The following PI4KA variants were observed in gnomAD, a reference collection of about 807,000 sequenced individuals.
PI4KA encodes the protein PI4-kinase alpha.
In PI4KA, 122 loss-of-function variants were observed where a neutral mutation model predicts 271.4. The ratio of observed to expected loss-of-function variants is 0.45; its 90% CI spans 0.39 to 0.52. PI4KA has a LOEUF of 0.52. Among genes scored for constraint, PI4KA ranks in the 20% least tolerant of loss-of-function variants. The probability of loss-of-function intolerance (pLI) is 0.00; values close to 1 mark genes in which losing one functional copy is unlikely to be tolerated. For missense variants in PI4KA, 1,969 were observed against 2,769.1 expected, an observed-to-expected ratio of 0.71 and a Z score of 6.48; for synonymous variants, 1,041 against 1,078.8, an observed-to-expected ratio of 0.96 and a Z score of 0.69.
chr22:20,743,609 C>T (rs1233664433), intron 30 of PI4KA, among the ~76,000 whole-genome samples: 1 of 152,208 alleles, frequency 6.6e-6, no homozygotes, highest in Non-Finnish European at 1.5e-5. Context: ...GCGTGAGCCA[C>T]TGTGCTTGGC....
chr22:20,721,926 G>C (rs780581842), intron 42 of PI4KA: 1 of 160,350 alleles, frequency 6.2e-6, no homozygotes, highest in Non-Finnish European at 1.4e-5. Context: ...AAGAGACCTG[G>C]TGGGAGGTGA....
chr22:20,748,839 G>A (rs1192306145), intron 28 of PI4KA, among the ~76,000 whole-genome samples: 2 of 152,148 alleles, frequency 1.3e-5, no homozygotes, highest in Non-Finnish European at 2.9e-5. Context: ...GTGGAGGAGA[G>A]GGCAGATTCG....
Position 20,765,186 on chromosome 22 carries a change from A to ACC in PI4KA, c.2487_2488insGG (p.Ser830GlyfsTer23). On this transcript the variant is annotated frameshift_variant, in exon 21 of 55. Coordinates refer to ENST00000255882, the MANE Select transcript of PI4KA (RefSeq NM_058004.4). LOFTEE classifies it high-confidence loss of function. ...TTGCTGGGAAAGGTGAGCAAGGGGG[A>ACC]CTTAGTGGCTATTTCACAGACCCCC... 6.2e-7 allele frequency: 1 copy of ACC among 1,613,462 alleles called. No individual in the cohort carries two copies. Among genetic ancestry groups the ACC allele is most frequent in the East Asian group, 2.2e-5 (1 of 44,870 alleles).
chr22:20,792,390 C>A (rs1358536793), intron 19 of PI4KA, among the ~76,000 whole-genome samples: 1 of 152,172 alleles, frequency 6.6e-6, no homozygotes, highest in Non-Finnish European at 1.5e-5. Flanking sequence ...GCTGCCCTAG[C>A]AGTTCTGCCA....
chr22:20,793,456 C>A, intron 18 of PI4KA: 1 of 478,760 alleles, frequency 2.1e-6, no homozygotes, highest in Non-Finnish European at 3.8e-6. Context: ...ACCATGGTTA[C>A]ATAAATGATT....
rs1032295480 is a variant in PI4KA at position 20,735,045 on chromosome 22, C to A, written c.3742-492G>T. Among the ~76,000 whole-genome samples, 146 of 152,130 alleles carry A rather than the reference C, an allele frequency of 9.6e-4. 1 individual carries two copies. Among genetic ancestry groups the A allele is most frequent in the Non-Finnish European group, 1.6e-3 (111 of 67,990 alleles). Reference sequence around the variant, plus strand: ...CCAGATTAGGAAAGGCCCATGGAGCCGAGGCGAGCCTGCAGCCACCATGGC... The same window carrying A: ...CCAGATTAGGAAAGGCCCATGGAGCAGAGGCGAGCCTGCAGCCACCATGGC... On this transcript the variant is annotated intron_variant, in intron 32 of 54. Coordinates refer to ENST00000255882, the MANE Select transcript of PI4KA (RefSeq NM_058004.4).
chr22:20,801,235 T>A (rs1935311181), intron 14 of PI4KA, among the ~76,000 whole-genome samples: 1 of 151,738 alleles, frequency 6.6e-6, no homozygotes, highest in Non-Finnish European at 1.5e-5. Flanking sequence ...TAACAAGAAA[T>A]AATTCCTCTT....
chr22:20,724,028 C>T (rs549847280), intron 42 of PI4KA, among the ~76,000 whole-genome samples: 144 of 151,616 alleles, frequency 9.5e-4, no homozygotes, highest in Admixed American at 1.8e-3. Flanking sequence ...TTAGTAGAGA[C>T]GGGGTTTCAC....
At chr22:20,726,567 A>G (rs1445096291) in intron 41 of PI4KA, 26 bp from the exon 42 acceptor site, 2 of 1,575,922 alleles carry the variant, frequency 1.3e-6, no homozygotes, top group Admixed American at 1.8e-5. Flanking sequence ...AGAGTTGGCC[A>G]TGACTTCTGA....
Position 20,820,540 on chromosome 22 carries a change from T to C in PI4KA, c.528A>G (p.Lys176=). The C allele has an allele frequency of 6.3e-7, 1 of 1,599,058 alleles. No homozygotes were observed. Among genetic ancestry groups the C allele is most frequent in the Non-Finnish European group, 8.6e-7 (1 of 1,169,020 alleles). The change falls in exon 5 of 55, where the codon AAA becomes AAG. Residue 176 remains lysine (K), a splice_region_variant and synonymous_variant. Transcript: ENST00000255882. ...GMCQALEIQD[K]EYLCKYAIPC... ...GAAAAACCTTAAGGATACTCGTACC[T>C]TTGTCTTGAATCTCCAAGGCCTGGC...
rs1200509732 is a variant in PI4KA, at chr22:20,747,152, G to C, written c.3363+431C>G. The stretch of plus-strand genomic sequence containing the variant: ...CTGTCCTCTAGATTAATCTCTAGCA[G>C]AACAAGAAGCTGAAGGCATTCATGT... On this transcript the variant is annotated intron_variant, in intron 29 of 54. Transcript: ENST00000255882. Among the ~76,000 whole-genome samples, 5 of 152,306 alleles carry C rather than the reference G, an allele frequency of 3.3e-5. No homozygotes were observed. In the East Asian group the frequency reaches 9.7e-4, roughly 29 times the overall value.
At chr22:20,819,532 A>G in intron 6 of PI4KA, 109 bp downstream of exon 6, 3 of 1,030,752 alleles carry the variant, frequency 2.9e-6, no homozygotes, top group African/African-American at 1.6e-5. Flanking sequence ...CTAGTGAAAC[A>G]TTTCACGTTA....
At chr22:20,760,419 TTAAC>T (rs1466082583) in intron 23 of PI4KA, among the ~76,000 whole-genome samples, 3 of 152,222 alleles carry the variant, frequency 2.0e-5, no homozygotes, top group Non-Finnish European at 2.9e-5. Context: ...TACGCAGCAT[TTAAC>T]TTTTTCCTTT....
Position 20,809,948 on chromosome 22 carries a change from G to A in PI4KA, c.1071+1019C>T, listed in dbSNP as rs371817134. Among the ~76,000 whole-genome samples, 13 of 152,240 alleles carry A rather than the reference G, an allele frequency of 8.5e-5. No homozygotes were observed. The East Asian group carries it at 2.1e-3, about 25-fold the overall frequency. On this transcript the variant is annotated intron_variant, in intron 9 of 54. Coordinates refer to ENST00000255882, the MANE Select transcript of PI4KA (RefSeq NM_058004.4). The stretch of plus-strand genomic sequence containing the variant: ...GAAGGGCCCTGGTAGTTCCTTCCCT[G>A]CTTCATACCTGAGCCCCAGGTACAG...
At position 20,802,052 on chromosome 22, in the gene PI4KA, G is replaced by A; in HGVS notation, c.1645C>T (p.Leu549=). The A allele has an allele frequency of 6.2e-7, 1 of 1,614,074 alleles. No individual in the cohort carries two copies. The highest frequency in any genetic ancestry group is 8.5e-7 in the Non-Finnish European group (1 of 1,179,976). The stretch of plus-strand genomic sequence containing the variant: ...CTCTTCTTACCCGACATGACGTTCA[G>A]GGTTGACTCGGAATGCTCATTGGTC... ...SVTNEHSEST[L]NVMSGKKSQP... is the part of the protein sequence containing the mutation. The change falls in exon 14 of 55, where the codon CTG becomes TTG. Residue 549 remains leucine, a synonymous_variant. Coordinates refer to ENST00000255882, the MANE Select transcript of PI4KA (RefSeq NM_058004.4).
At position 20,807,356 on chromosome 22, in the gene PI4KA, C is replaced by T. The variant is rs1935721653; in HGVS notation, c.1168+6G>A. Reference sequence around the variant, plus strand: ...ACTCACAAACACATGGGCAAACTGTCCTCACCCTTCATGTAGTACAGAGTG... The same window carrying T: ...ACTCACAAACACATGGGCAAACTGTTCTCACCCTTCATGTAGTACAGAGTG... On this transcript the variant is annotated splice_donor_region_variant and intron_variant, in intron 10 of 54. Transcript: ENST00000255882. The T allele has an allele frequency of 1.3e-6, 2 of 1,580,026 alleles. No homozygotes were observed. The highest frequency in any genetic ancestry group is 8.7e-7 in the Non-Finnish European group (1 of 1,149,048).
chr22:20,771,374 G>C (rs1932865369), intron 19 of PI4KA, among the ~76,000 whole-genome samples: 1 of 150,654 alleles, frequency 6.6e-6, no homozygotes, highest in African/African-American at 2.4e-5. Context: ...AGTGAGCTGA[G>C]ATTGCGCCAC....
In PI4KA at chr22:20,841,005, T is replaced by A. The variant is rs139990141; in HGVS notation, c.157-2274A>T. Among the ~76,000 whole-genome samples, 22 of 152,140 alleles carry A rather than the reference T, an allele frequency of 1.4e-4. 1 individual carries two copies. The East Asian group carries it at 4.1e-3, about 28-fold the overall frequency. On this transcript the variant is annotated intron_variant, in intron 1 of 54. Coordinates refer to ENST00000255882, the MANE Select transcript of PI4KA (RefSeq NM_058004.4). ...CTAAGTCACAGGGTGAGACAGGAAGTCAACACAAGATACAAGTCATAAAGA... is the reference window on the plus strand; with the variant it reads ...CTAAGTCACAGGGTGAGACAGGAAGACAACACAAGATACAAGTCATAAAGA...
intron 4 of PI4KA, among the ~76,000 whole-genome samples, chr22:20,822,887 A>C (rs1922892421): frequency 6.6e-6 from 1 of 152,180 alleles, no homozygotes; most frequent in African/African-American, 2.4e-5. Context: ...AATAATCTAC[A>C]AAAGCTTGAA....
Sources: gnomAD v4.1 joint callset for allele counts (sites outside exome capture counted in the v4.1 genomes callset) on GRCh38, gnomAD v4.1.1 for gene constraint, MANE v1.5 for transcripts, NCBI Gene and HGNC (gene_info 2026-07-23, HGNC 2026-07-21) for gene names.